FAM171A1: variants seen among roughly 807,000 people sequenced by gnomAD.
FAM171A1 encodes protein FAM171A1.
Under a neutral mutation model 74.9 loss-of-function variants are expected in FAM171A1, and 23 were observed. That is an observed-to-expected ratio of 0.31 (90% CI 0.22 to 0.44). The LOEUF is 0.44. Among genes scored for constraint, FAM171A1 ranks in the 20% least tolerant of loss-of-function variants. The probability of loss-of-function intolerance (pLI) is 1.00; values close to 1 mark genes in which losing one functional copy is unlikely to be tolerated. For synonymous variants in FAM171A1, 527 were observed against 505.7 expected, an observed-to-expected ratio of 1.04 and a Z score of -0.57; for missense variants, 1,162 against 1,159.2, an observed-to-expected ratio of 1.00 and a Z score of -0.03.
At chr10:15,225,609 C>T (rs1275412712) in intron 5 of FAM171A1, among the ~76,000 whole-genome samples, 1 of 152,160 alleles carries the variant, frequency 6.6e-6, no homozygotes, top group Non-Finnish European at 1.5e-5. Flanking sequence ...CAGCGGGCAC[C>T]AGGGCCAGGA....
At chr10:15,251,739 G>A (rs1415777970) in intron 4 of FAM171A1, among the ~76,000 whole-genome samples, 3 of 151,956 alleles carry the variant, frequency 2.0e-5, no homozygotes, top group Non-Finnish European at 4.4e-5. Context: ...CATTTTGAAG[G>A]GCTAAACTAT....
At chr10:15,284,182 G>A in intron 1 of FAM171A1, 77 bp from the exon 2 acceptor site, 2 of 1,322,484 alleles carry the variant, frequency 1.5e-6, no homozygotes, top group Non-Finnish European at 2.1e-6. Context: ...GACTGTGATG[G>A]GAAGTGGAAG....
intron 5 of FAM171A1, among the ~76,000 whole-genome samples, chr10:15,233,521 GGT>G (rs61637156): frequency 0.097 from 14,129 of 145,226 alleles, 695 homozygotes; most frequent in Middle Eastern, 0.15. Context: ...GTGTATTCAG[GGT>G]GTGTGTGTGT....
chr10:15,274,886 A>ATGTGG (rs1458443948), intron 3 of FAM171A1, among the ~76,000 whole-genome samples: 7 of 152,198 alleles, frequency 4.6e-5, no homozygotes, highest in African/African-American at 1.7e-4. Context: ...GATTAAGAAA[A>ATGTGG]TGTGGCACAT....
At chr10:15,222,658 T>G (rs567113148) in intron 5 of FAM171A1, among the ~76,000 whole-genome samples, 8 of 152,186 alleles carry the variant, frequency 5.3e-5, no homozygotes, top group Non-Finnish European at 1.2e-4. Flanking sequence ...TTATTCCCCC[T>G]GAAGAAAGAA....
intron 1 of FAM171A1, among the ~76,000 whole-genome samples, chr10:15,327,979 C>G (rs540673766): frequency 1.3e-5 from 2 of 150,966 alleles, no homozygotes; most frequent in South Asian, 4.2e-4. Context: ...TTAGTAATCT[C>G]GGTCTAAAAC....
chr10:15,363,570 G>A (rs1202933130), intron 1 of FAM171A1, among the ~76,000 whole-genome samples: 1 of 152,102 alleles, frequency 6.6e-6, no homozygotes. Context: ...CCCAGAAATC[G>A]AGAAGGTTCA....
intron 3 of FAM171A1, among the ~76,000 whole-genome samples, chr10:15,258,514 T>C (rs1438049698): frequency 6.6e-6 from 1 of 152,330 alleles, no homozygotes; most frequent in Non-Finnish European, 1.5e-5. Context: ...ACTCATTTTT[T>C]CCCCAGTCTA....
Position 15,283,959 on chromosome 10 carries a change from G to A in FAM171A1, c.244C>T (p.Leu82=), listed in dbSNP as rs1418329382. 6.2e-7 allele frequency: 1 copy of A among 1,614,070 alleles called. No individual in the cohort carries two copies. Among genetic ancestry groups the A allele is most frequent in the Non-Finnish European group, 8.5e-7 (1 of 1,180,048 alleles). Residue 82 remains leucine, a synonymous_variant, in exon 2 of 8, where the codon CTG becomes TTG. Coordinates refer to ENST00000378116, the MANE Select transcript of FAM171A1 (RefSeq NM_001010924.2). ...GVAFIKFQYK[L]GSQLIVTASK... ...GCGGTGACAATCAACTGACTGCCCA[G>A]CTTATACTGGAACTTGATAAAGGCG...
intron 1 of FAM171A1, among the ~76,000 whole-genome samples, chr10:15,302,338 G>A (rs142909377): frequency 3.0e-4 from 45 of 152,106 alleles, no homozygotes; most frequent in African/African-American, 8.9e-4. Flanking sequence ...GGTGGCAGGC[G>A]CCTGTAATCC....
At chr10:15,226,787 C>T (rs79107952) in intron 5 of FAM171A1, among the ~76,000 whole-genome samples, 1,681 of 152,146 alleles carry the variant, frequency 0.011, 16 homozygotes, top group Non-Finnish European at 0.019. Context: ...GAATACTCCC[C>T]CCTACCCTCA....
At chr10:15,261,467 C>A (rs1442766366) in intron 3 of FAM171A1, among the ~76,000 whole-genome samples, 1 of 152,164 alleles carries the variant, frequency 6.6e-6, no homozygotes, top group Non-Finnish European at 1.5e-5. Flanking sequence ...ACATGTTTAA[C>A]TCCCTAAAAC....
At chr10:15,333,839 GAA>G (rs1328580542) in intron 1 of FAM171A1, among the ~76,000 whole-genome samples, 1 of 140,708 alleles carries the variant, frequency 7.1e-6, no homozygotes, top group Non-Finnish European at 1.6e-5. Context: ...GTCTCAAAGA[GAA>G]AAAAAGAAAA....
chr10:15,227,702 T>C (rs1001060924), intron 5 of FAM171A1, among the ~76,000 whole-genome samples: 2 of 152,222 alleles, frequency 1.3e-5, no homozygotes, highest in Admixed American at 6.5e-5. Flanking sequence ...TCTTTAGAGT[T>C]AGACCTTACA....
chr10:15,284,554 C>T (rs1413806737), intron 1 of FAM171A1, among the ~76,000 whole-genome samples: 2 of 152,220 alleles, frequency 1.3e-5, no homozygotes, highest in Middle Eastern at 3.4e-3. Flanking sequence ...TCCTGAGTAG[C>T]TGGGACTACA....
In FAM171A1 at chr10:15,370,858, C is replaced by T. The variant is rs1836134805; in HGVS notation, c.97+98G>A. On this transcript the variant is annotated intron_variant, in intron 1 of 7. Transcript: ENST00000378116. ...TGCGGCTCGGGCTGCGTCGCCACCACGCGGCCCGGGACCCTCCCGCCGCCG... is the reference window on the plus strand; with the variant it reads ...TGCGGCTCGGGCTGCGTCGCCACCATGCGGCCCGGGACCCTCCCGCCGCCG... The T allele has an allele frequency of 2.2e-5, 10 of 446,714 alleles. No individual in the cohort carries two copies. In the South Asian group the frequency reaches 7.7e-4, roughly 35 times the overall value. 27.7% of individuals were successfully genotyped at this position (446,714 alleles called of 1,614,324 possible).
rs1468515353 is a variant in FAM171A1, at chr10:15,331,727, T to TTA, written c.97+39227_97+39228dup. On this transcript the variant is annotated intron_variant, in intron 1 of 7. Coordinates refer to ENST00000378116, the MANE Select transcript of FAM171A1 (RefSeq NM_001010924.2). ...ACAGGCCAATTACAGGACTGATGTT[T>TTA]TATATATATGTGTGTGTGTGTGTGT... Among the ~76,000 whole-genome samples the TTA allele has an allele frequency of 6.6e-5, 10 of 151,264 alleles. No individual in the cohort carries two copies. The South Asian group carries it at 8.4e-4, about 13-fold the overall frequency.
chr10:15,336,356 A>G (rs1279938738), intron 1 of FAM171A1, among the ~76,000 whole-genome samples: 4 of 151,460 alleles, frequency 2.6e-5, no homozygotes, highest in African/African-American at 9.7e-5. Flanking sequence ...CAGTTTTATC[A>G]TATACAATAT....
At chr10:15,244,369 A>C (rs1203652148) in intron 5 of FAM171A1, among the ~76,000 whole-genome samples, 1 of 152,016 alleles carries the variant, frequency 6.6e-6, no homozygotes, top group Non-Finnish European at 1.5e-5. Flanking sequence ...AAGCCCCCCA[A>C]ATTAGCTAGG....
Sources: allele counts gnomAD v4.1 joint callset (sites outside exome capture counted in the v4.1 genomes callset), GRCh38; gene constraint gnomAD v4.1.1; transcripts MANE v1.5; gene names NCBI Gene and HGNC (gene_info 2026-07-23, HGNC 2026-07-21).